Variants in AGBL4 observed in about 807,000 individuals in gnomAD.
AGBL4 encodes AGBL carboxypeptidase 4.
In AGBL4, 58 loss-of-function variants were observed where a neutral mutation model predicts 66.4. The observed-to-expected ratio is 0.87, with a 90% confidence interval of 0.71 to 1.09. The LOEUF is 1.09. Ranked by LOEUF, AGBL4 falls within the 50% of genes least tolerant of loss-of-function variation. AGBL4 has a pLI of 0.00. For synonymous variants in AGBL4, 234 were observed against 222.9 expected (o/e 1.05, Z -0.44); for missense variants, 579 against 631.0 (o/e 0.92, Z 0.88).
chr1:49,784,734 G>A (rs1275590724), intron 2 of AGBL4, among the ~76,000 whole-genome samples: 2 of 151,606 alleles, frequency 1.3e-5, no homozygotes, highest in Non-Finnish European at 2.9e-5. Flanking sequence ...TAATTTTAAA[G>A]ACTTATATCC....
intron 4 of AGBL4, among the ~76,000 whole-genome samples, chr1:49,229,070 G>A (rs1024327481): frequency 6.6e-6 from 1 of 152,064 alleles, no homozygotes; most frequent in African/African-American, 2.4e-5. Flanking sequence ...CGTTGCCAGG[G>A]ATCCATTTCC....
rs572055313 is a variant in AGBL4 at position 49,253,596 on chromosome 1, CA to C, written c.283-7733del. The stretch of plus-strand genomic sequence containing the variant: ...TCACAGCTGAATTCTAGCAGATGTA[CA>C]AAGAAGTGTTACCATTCCTACTGAA... On this transcript the variant is annotated intron_variant, in intron 3 of 13. Transcript: ENST00000371839. Among the ~76,000 whole-genome samples, 15 of 151,744 alleles carry C rather than the reference CA, an allele frequency of 9.9e-5. 1 individual carries two copies. In the South Asian group the frequency reaches 3.1e-3, roughly 32 times the overall value.
chr1:48,588,400 C>G (rs930510698), intron 10 of AGBL4, among the ~76,000 whole-genome samples: 1 of 152,200 alleles, frequency 6.6e-6, no homozygotes, highest in African/African-American at 2.4e-5. Flanking sequence ...AGTTGACTTA[C>G]TTGTCTTAGT....
At chr1:49,889,998 G>A (rs1162904604) in intron 1 of AGBL4, among the ~76,000 whole-genome samples, 3 of 152,110 alleles carry the variant, frequency 2.0e-5, no homozygotes, top group Admixed American at 2.0e-4. Flanking sequence ...TACACGTATT[G>A]AACCACTGAA....
At chr1:49,390,438 C>T (rs573685357) in intron 3 of AGBL4, among the ~76,000 whole-genome samples, 1 of 152,266 alleles carries the variant, frequency 6.6e-6, no homozygotes, top group Non-Finnish European at 1.5e-5. Context: ...GAAAACTTCA[C>T]TAATAATGAA....
intron 2 of AGBL4, among the ~76,000 whole-genome samples, chr1:49,816,169 C>T (rs991946569): frequency 1.9e-4 from 29 of 152,078 alleles, no homozygotes; most frequent in Non-Finnish European, 2.9e-4. Context: ...TTACCTGAGG[C>T]AGCATGCTCA....
At chr1:49,933,332 A>T (rs1653560552) in intron 1 of AGBL4, among the ~76,000 whole-genome samples, 1 of 152,022 alleles carries the variant, frequency 6.6e-6, no homozygotes, top group Non-Finnish European at 1.5e-5. Context: ...TTCAAAAATG[A>T]AGAGATAGAG....
At chr1:49,093,594 C>T (rs768225663) in intron 4 of AGBL4, among the ~76,000 whole-genome samples, 1 of 152,144 alleles carries the variant, frequency 6.6e-6, no homozygotes, top group Non-Finnish European at 1.5e-5. Context: ...ATTATGTTCA[C>T]ATTGTGTGAT....
At chr1:48,833,481 G>A (rs999003003) in intron 6 of AGBL4, among the ~76,000 whole-genome samples, 7 of 152,182 alleles carry the variant, frequency 4.6e-5, no homozygotes, top group Non-Finnish European at 8.8e-5. Flanking sequence ...GAAGAGAGAT[G>A]AATTGAAAGG....
chr1:49,605,163 A>G (rs1032504150), intron 3 of AGBL4, among the ~76,000 whole-genome samples: 6 of 152,158 alleles, frequency 3.9e-5, no homozygotes, highest in African/African-American at 1.2e-4. Context: ...ATTGTACTTC[A>G]GGATGTACTG....
At chr1:49,060,366 C>T (rs919410081) in intron 4 of AGBL4, among the ~76,000 whole-genome samples, 8 of 152,150 alleles carry the variant, frequency 5.3e-5, no homozygotes, top group African/African-American at 1.4e-4. Context: ...CCCAGCCATG[C>T]GGAACTGTGA....
intron 3 of AGBL4, among the ~76,000 whole-genome samples, chr1:49,373,041 G>A (rs563005654): frequency 5.3e-5 from 8 of 152,148 alleles, no homozygotes; most frequent in Non-Finnish European, 1.2e-4. Flanking sequence ...TTATAGGCGT[G>A]AGCCACTGTG....
At chr1:49,696,515 AAATAATAG>A (rs1646987771) in intron 3 of AGBL4, among the ~76,000 whole-genome samples, 1 of 152,140 alleles carries the variant, frequency 6.6e-6, no homozygotes, top group African/African-American at 2.4e-5. Context: ...CACAAATGGA[AAATAATAG>A]TTTTTCATGG....
intron 3 of AGBL4, among the ~76,000 whole-genome samples, chr1:49,420,062 T>C (rs549067311): frequency 6.6e-6 from 1 of 152,280 alleles, no homozygotes; most frequent in African/African-American, 2.4e-5. Context: ...GAAGCACTGA[T>C]ATAAAGTACA....
At chr1:49,880,479 C>A (rs912378529) in intron 1 of AGBL4, among the ~76,000 whole-genome samples, 4 of 152,024 alleles carry the variant, frequency 2.6e-5, no homozygotes, top group Non-Finnish European at 4.4e-5. Flanking sequence ...GCTTGGGGGT[C>A]GGGGTCAGGG....
rs1173342589 is a variant in AGBL4, at chr1:49,508,974, T to C, written c.282+188339A>G. 2.0e-5 allele frequency among the ~76,000 whole-genome samples: 3 copies of C among 151,822 alleles called. No homozygotes were observed. In the South Asian group the frequency reaches 6.2e-4, roughly 32 times the overall value. ...AGAAAAACATGATCCCTGCTTAAAG[T>C]ACTTATCATCTAGTAGGGAACATGG... On this transcript the variant is annotated intron_variant, in intron 3 of 13. Coordinates refer to ENST00000371839, the MANE Select transcript of AGBL4 (RefSeq NM_032785.4).
At chr1:49,220,382 T>C (rs1307126145) in intron 4 of AGBL4, among the ~76,000 whole-genome samples, 1 of 152,170 alleles carries the variant, frequency 6.6e-6, no homozygotes, top group Non-Finnish European at 1.5e-5. Flanking sequence ...GCTATGCCAC[T>C]TACCAACTAC....
At chr1:48,659,949 G>A (rs953283888) in intron 7 of AGBL4, among the ~76,000 whole-genome samples, 3 of 152,234 alleles carry the variant, frequency 2.0e-5, no homozygotes, top group Admixed American at 6.5e-5. Flanking sequence ...TCCCTTTTGA[G>A]ATAAAGGAAC....
At chr1:49,445,727 A>G (rs1646139527) in intron 3 of AGBL4, among the ~76,000 whole-genome samples, 1 of 151,888 alleles carries the variant, frequency 6.6e-6, no homozygotes, top group Non-Finnish European at 1.5e-5. Flanking sequence ...TTTTAAAAAT[A>G]CCTATCTCTT....
Sources: allele counts gnomAD v4.1 joint callset (sites outside exome capture counted in the v4.1 genomes callset), GRCh38; gene constraint gnomAD v4.1.1; transcripts MANE v1.5; gene names NCBI Gene and HGNC (gene_info 2026-07-23, HGNC 2026-07-21).